The following SRPK2 variants were observed in gnomAD, a reference collection of about 807,000 sequenced individuals.
SRPK2 encodes SRSF protein kinase 2, also known as SFRS protein kinase 2.
A neutral mutation model predicts 90.8 loss-of-function variants in SRPK2; 21 were observed. That is an observed-to-expected ratio of 0.23 (90% CI 0.16 to 0.33). The LOEUF (loss-of-function observed/expected upper bound fraction) is 0.33. SRPK2 is among the 10% of genes least tolerant of loss of function. SRPK2 has a pLI of 1.00. For synonymous variants in SRPK2, 288 were observed against 311.1 expected, an observed-to-expected ratio of 0.93 and a Z score of 0.78; for missense variants, 620 against 869.0, an observed-to-expected ratio of 0.71 and a Z score of 3.60.
chr7:105,365,096 C>T (rs1287651762), intron 2 of SRPK2, among the ~76,000 whole-genome samples: 3 of 152,146 alleles, frequency 2.0e-5, no homozygotes, highest in Non-Finnish European at 2.9e-5. Flanking sequence ...GCCTTAAATC[C>T]TGGTGCTTAC....
At chr7:105,216,188 T>C (rs1334174872) in intron 2 of SRPK2, among the ~76,000 whole-genome samples, 1 of 152,180 alleles carries the variant, frequency 6.6e-6, no homozygotes, top group Non-Finnish European at 1.5e-5. Flanking sequence ...ATTAATCTTT[T>C]AATAAAGTTG....
chr7:105,265,228 A>G (rs1563166519), intron 2 of SRPK2, among the ~76,000 whole-genome samples: 1 of 152,216 alleles, frequency 6.6e-6, no homozygotes, highest in Non-Finnish European at 1.5e-5. Context: ...CTACAGATCA[A>G]AAATATTTGG....
intron 2 of SRPK2, among the ~76,000 whole-genome samples, chr7:105,326,088 G>A (rs1441124616): frequency 1.3e-5 from 2 of 152,182 alleles, no homozygotes; most frequent in East Asian, 3.9e-4. Flanking sequence ...GCAGTAAAAA[G>A]TTTAAAAAGT....
intron 15 of SRPK2, among the ~76,000 whole-genome samples, chr7:105,125,129 C>CAAAAAAAA (rs61616576): frequency 1.1e-5 from 1 of 88,088 alleles, no homozygotes; most frequent in Non-Finnish European, 2.1e-5. Flanking sequence ...GACTCCATCT[C>CAAAAAAAA]AAAAAAAAAA....
chr7:105,130,095 T>A (rs1362089333), intron 13 of SRPK2, among the ~76,000 whole-genome samples: 1 of 152,058 alleles, frequency 6.6e-6, no homozygotes, highest in Non-Finnish European at 1.5e-5. Context: ...TCAAGAAAAG[T>A]AAAACAGATC....
At chr7:105,242,941 T>A (rs1801012705) in intron 2 of SRPK2, among the ~76,000 whole-genome samples, 1 of 152,206 alleles carries the variant, frequency 6.6e-6, no homozygotes. Flanking sequence ...TTCTGTATTT[T>A]ATTAATTCTG....
intron 2 of SRPK2, among the ~76,000 whole-genome samples, chr7:105,252,646 A>G: frequency 6.6e-6 from 1 of 152,180 alleles, no homozygotes; most frequent in East Asian, 1.9e-4. Flanking sequence ...ATTTTAAACA[A>G]TTTATAGAAA....
chr7:105,305,246 C>G (rs1811013468), intron 2 of SRPK2, among the ~76,000 whole-genome samples: 1 of 152,092 alleles, frequency 6.6e-6, no homozygotes, highest in South Asian at 2.1e-4. Context: ...TCAAGGCCAG[C>G]CTGACCCACA....
chr7:105,338,607 A>T (rs1347783829), intron 2 of SRPK2, among the ~76,000 whole-genome samples: 1 of 152,228 alleles, frequency 6.6e-6, no homozygotes, highest in Non-Finnish European at 1.5e-5. Context: ...AGCTAAAAGC[A>T]CTGACCTTAA....
At chr7:105,300,300 A>G (rs1460415483) in intron 2 of SRPK2, among the ~76,000 whole-genome samples, 1 of 151,156 alleles carries the variant, frequency 6.6e-6, no homozygotes, top group South Asian at 2.1e-4. Context: ...CATATTTAGA[A>G]CACTATGTGC....
chr7:105,134,350 C>G (rs1160549128), intron 11 of SRPK2, among the ~76,000 whole-genome samples: 1 of 152,194 alleles, frequency 6.6e-6, no homozygotes. Flanking sequence ...CCCTTCTCTC[C>G]TCCTCCTGCT....
chr7:105,187,523 T>C (rs538122747), intron 3 of SRPK2, among the ~76,000 whole-genome samples: 1 of 151,618 alleles, frequency 6.6e-6, no homozygotes, highest in Non-Finnish European at 1.5e-5. Context: ...TCCCCACAGG[T>C]AGTTCACTGT....
At chr7:105,230,790 TA>T (rs1799331240) in intron 2 of SRPK2, among the ~76,000 whole-genome samples, 1 of 152,204 alleles carries the variant, frequency 6.6e-6, no homozygotes. Context: ...GTTGTGATTC[TA>T]TCTTAGGAAT....
chr7:105,200,132 T>G (rs537926353), intron 3 of SRPK2, among the ~76,000 whole-genome samples: 2 of 152,010 alleles, frequency 1.3e-5, no homozygotes, highest in African/African-American at 4.8e-5. Flanking sequence ...TGAAACCCCA[T>G]CTCTACTAAA....
At chr7:105,319,352 T>C (rs34717863) in intron 2 of SRPK2, among the ~76,000 whole-genome samples, 27,601 of 152,012 alleles carry the variant, frequency 0.18, 3,168 homozygotes, top group East Asian at 0.58. Context: ...ATTTATGGTT[T>C]TGTGAATTTT....
chr7:105,379,020 GGT>G (rs1336402892), intron 2 of SRPK2, among the ~76,000 whole-genome samples: 1 of 151,914 alleles, frequency 6.6e-6, no homozygotes, highest in African/African-American at 2.4e-5. Flanking sequence ...AGCTGGGCAT[GGT>G]GGTGCTCACA....
intron 2 of SRPK2, among the ~76,000 whole-genome samples, chr7:105,366,223 T>C (rs898144059): frequency 6.6e-6 from 1 of 152,098 alleles, no homozygotes; most frequent in Non-Finnish European, 1.5e-5. Context: ...TATCTCCTCA[T>C]TTCTTAAGGC....
rs190429585 is a variant in SRPK2, at chr7:105,151,674, G to A, written c.622-5016C>T. ...TGATCCTCTTGCTTCAGCCTCCCAA[G>A]TGGCTGGGATTACAGGTGTGAGCCA... On this transcript the variant is annotated intron_variant, in intron 7 of 15. Transcript: ENST00000393651. Among the ~76,000 whole-genome samples the A allele has an allele frequency of 6.9e-3, 1,051 of 152,194 alleles. 16 individuals carry two copies. The highest frequency in any genetic ancestry group is 0.024 in the African/African-American group (1,005 of 41,528).
chr7:105,385,927 C>T (rs1173087414), intron 2 of SRPK2, among the ~76,000 whole-genome samples: 2 of 152,156 alleles, frequency 1.3e-5, no homozygotes, highest in African/African-American at 4.8e-5. Flanking sequence ...TTCTTCCTAT[C>T]CCTTAGCCCT....
Sources: gnomAD v4.1 joint callset for allele counts (sites outside exome capture counted in the v4.1 genomes callset) on GRCh38, gnomAD v4.1.1 for gene constraint, MANE v1.5 for transcripts, NCBI Gene and HGNC (gene_info 2026-07-23, HGNC 2026-07-21) for gene names.